Variants in MARCHF8 observed in about 807,000 individuals in gnomAD.
MARCHF8 encodes the protein E3 ubiquitin-protein ligase MARCHF8.
Under a neutral mutation model 51.6 loss-of-function variants are expected in MARCHF8, and 40 were observed. The ratio of observed to expected loss-of-function variants is 0.77; its 90% CI spans 0.60 to 1.01. The LOEUF (loss-of-function observed/expected upper bound fraction) is 1.01, where lower values mean the gene tolerates loss of function less well. Among genes scored for constraint, MARCHF8 ranks in the 50% least tolerant of loss-of-function variants. The probability of loss-of-function intolerance (pLI) is 0.00; values close to 1 mark genes in which losing one functional copy is unlikely to be tolerated. For synonymous variants in MARCHF8, 263 were observed against 280.3 expected, an observed-to-expected ratio of 0.94 and a Z score of 0.62; for missense variants, 685 against 708.6, an observed-to-expected ratio of 0.97 and a Z score of 0.38.
chr10:45,492,441 GCGCCCACCACCA>G (rs1275792869), intron 2 of MARCHF8, among the ~76,000 whole-genome samples: 2 of 152,104 alleles, frequency 1.3e-5, no homozygotes, highest in Non-Finnish European at 2.9e-5. Context: ...GGGACTACAG[GCGCCCACCACCA>G]TGTCCGGCTC....
intron 3 of MARCHF8, among the ~76,000 whole-genome samples, chr10:45,472,693 C>T (rs1564470667): frequency 1.3e-5 from 2 of 152,168 alleles, no homozygotes; most frequent in Non-Finnish European, 2.9e-5. Flanking sequence ...TAAACCTGCC[C>T]CCCTTCCACC....
Position 45,463,256 on chromosome 10 carries a change from G to A in MARCHF8, c.983C>T (p.Ala328Val), listed in dbSNP as rs751246696. 3.1e-4 allele frequency: 475 copies of A among 1,550,758 alleles called. 3 individuals are homozygous for A. The highest frequency in any genetic ancestry group is 2.0e-4 in the Admixed American group (10 of 50,986). Reference sequence around the variant, plus strand: ...GTCCTTTTCCGTGGAGCAGAGGGGCGCCCGCAGAACCCTACTCTTCAGTTT... The same window carrying A: ...GTCCTTTTCCGTGGAGCAGAGGGGCACCCGCAGAACCCTACTCTTCAGTTT... ...SAKLKSRVLR[A>V]PLCSTEKDSD... Residue 328 changes from alanine (A) to valine (V), a missense_variant, in exon 5 of 8, where the codon GCG becomes GTG. Coordinates refer to ENST00000453424, the MANE Select transcript of MARCHF8 (RefSeq NM_001282866.2).
At chr10:45,502,964 G>T (rs1460807857) in intron 2 of MARCHF8, among the ~76,000 whole-genome samples, 22 of 152,114 alleles carry the variant, frequency 1.4e-4, no homozygotes, top group Admixed American at 1.4e-3. Context: ...TCTATGAGGG[G>T]CTCTGAAGGT....
chr10:45,518,805 G>T (rs1191488212), intron 2 of MARCHF8, among the ~76,000 whole-genome samples: 1 of 152,162 alleles, frequency 6.6e-6, no homozygotes, highest in Admixed American at 6.5e-5. Context: ...GAGCCCTCTT[G>T]TAACTTTCAA....
rs142373024 is a variant in MARCHF8, at chr10:45,466,755, G to A, written c.154-2428C>T. On this transcript the variant is annotated intron_variant, in intron 3 of 7. Transcript: ENST00000453424. ...ATCAAGGTCAGTGTCCTGGGTCCGG[G>A]AGGCAGGTTTCTGATGGGAAATTAA... 2.9e-3 allele frequency among the ~76,000 whole-genome samples: 449 copies of A among 152,308 alleles called. 3 individuals carry two copies. Among genetic ancestry groups the A allele is most frequent in the Middle Eastern group, 0.01 (3 of 294 alleles).
At chr10:45,493,101 A>G (rs1182889762) in intron 2 of MARCHF8, among the ~76,000 whole-genome samples, 1 of 152,254 alleles carries the variant, frequency 6.6e-6, no homozygotes, top group African/African-American at 2.4e-5. Context: ...ACTAGGGAAG[A>G]GCTTAAGAAT....
chr10:45,533,175 A>T lies in MARCHF8; in HGVS notation c.37T>A (p.Ser13Thr). The change falls in exon 2 of 8, where the codon TCC becomes ACC. Residue 13 changes from serine (S) to threonine (T), a missense_variant. Transcript: ENST00000453424. ...MPLHQISAIP[S>T]QDAISARVYR... The stretch of plus-strand genomic sequence containing the variant: ...ACTCTAGCAGAGATGGCATCCTGGG[A>T]TGGAATGGCAGAGATCTGATGCAGT... 1 of 1,613,004 alleles carries T rather than the reference A, an allele frequency of 6.2e-7. No homozygotes were observed. Among genetic ancestry groups the T allele is most frequent in the Non-Finnish European group, 8.5e-7 (1 of 1,179,486 alleles).
At chr10:45,510,338 A>G (rs1157356570) in intron 2 of MARCHF8, among the ~76,000 whole-genome samples, 1 of 152,230 alleles carries the variant, frequency 6.6e-6, no homozygotes, top group Non-Finnish European at 1.5e-5. Context: ...TAATACAGTT[A>G]GTAAAATAGA....
intron 1 of MARCHF8, among the ~76,000 whole-genome samples, chr10:45,554,312 A>C (rs1365169403): frequency 6.6e-6 from 1 of 152,226 alleles, no homozygotes; most frequent in Non-Finnish European, 1.5e-5. Context: ...TCTGTTCCTA[A>C]GTTTATAATG....
intron 1 of MARCHF8, among the ~76,000 whole-genome samples, chr10:45,559,979 T>A (rs1046813201): frequency 1.3e-5 from 2 of 152,000 alleles, no homozygotes; most frequent in Non-Finnish European, 2.9e-5. Flanking sequence ...ACAGAATCCT[T>A]CCTCCCCGCA....
At chr10:45,535,066 G>A (rs561805821) in intron 1 of MARCHF8, 145 bp downstream of exon 1, 8 of 152,322 alleles carry the variant, frequency 5.3e-5, no homozygotes, top group Admixed American at 4.6e-4. Context: ...AAATAGAATA[G>A]GGGATGTTAG....
In MARCHF8 at chr10:45,455,276, G is replaced by A. The variant is rs1421283284; in HGVS notation, c.*2963C>T. The stretch of plus-strand genomic sequence containing the variant: ...AAACATTAGAGGCCTACAGTAGGAA[G>A]AGACCTTTTATAGAGTTTTCAGGAA... On this transcript the variant is annotated 3_prime_UTR_variant, in exon 8 of 8. Transcript: ENST00000453424. 1 of 152,256 alleles carries A rather than the reference G, an allele frequency of 6.6e-6. No individual in the cohort carries two copies. Among genetic ancestry groups the A allele is most frequent in the Non-Finnish European group, 1.5e-5 (1 of 68,052 alleles). The allele number at this position is 152,256 out of a possible 1,614,324, so 9.4% of individuals were successfully genotyped here.
chr10:45,537,568 G>T (rs952926687), upstream of MARCHF8, among the ~76,000 whole-genome samples: 1 of 151,564 alleles, frequency 6.6e-6, no homozygotes, highest in Non-Finnish European at 1.5e-5. Flanking sequence ...TGGGAGGATC[G>T]CTTGAGCCCA....
At chr10:45,543,944 T>C (rs1673556516) in intron 1 of MARCHF8, among the ~76,000 whole-genome samples, 1 of 152,040 alleles carries the variant, frequency 6.6e-6, no homozygotes, top group Non-Finnish European at 1.5e-5. Flanking sequence ...CATATGTGCC[T>C]GTAGTCCTAG....
chr10:45,522,445 T>G (rs2043722360), intron 2 of MARCHF8, among the ~76,000 whole-genome samples: 1 of 150,248 alleles, frequency 6.7e-6, no homozygotes, highest in African/African-American at 2.5e-5. Flanking sequence ...ACCTTTGCTC[T>G]CAGGGAACAG....
intron 1 of MARCHF8, among the ~76,000 whole-genome samples, chr10:45,579,986 C>T (rs2044535389): frequency 7.7e-6 from 1 of 129,810 alleles, no homozygotes; most frequent in South Asian, 2.5e-4. Context: ...GCACTCCAGC[C>T]TGAAAGACTC....
At chr10:45,576,639 C>T (rs577635207) in intron 1 of MARCHF8, among the ~76,000 whole-genome samples, 11 of 151,926 alleles carry the variant, frequency 7.2e-5, no homozygotes, top group African/African-American at 1.5e-4. Flanking sequence ...AACTTAATCA[C>T]GCCCTGGTGT....
chr10:45,593,215 T>G (rs1464561846), intron 1 of MARCHF8, among the ~76,000 whole-genome samples: 1 of 149,060 alleles, frequency 6.7e-6, no homozygotes, highest in Admixed American at 6.6e-5. Context: ...AGACAAGGTG[T>G]AAAAGAGTAT....
At chr10:45,485,557 A>G (rs2042964495) in intron 3 of MARCHF8, among the ~76,000 whole-genome samples, 1 of 152,162 alleles carries the variant, frequency 6.6e-6, no homozygotes, top group African/African-American at 2.4e-5. Flanking sequence ...CCTCATAAAC[A>G]TCTCATCCAA....
Sources: allele counts gnomAD v4.1 joint callset (sites outside exome capture counted in the v4.1 genomes callset), GRCh38; gene constraint gnomAD v4.1.1; transcripts MANE v1.5; gene names NCBI Gene and HGNC (gene_info 2026-07-23, HGNC 2026-07-21).